UROC1: variants seen among roughly 807,000 people sequenced by gnomAD.
The protein encoded by UROC1 is urocanate hydratase.
In UROC1, 79 loss-of-function variants were observed where a neutral mutation model predicts 89.5. The ratio of observed to expected loss-of-function variants is 0.88; its 90% CI spans 0.74 to 1.06. UROC1 has a LOEUF of 1.06. Ranked by LOEUF, UROC1 falls within the 50% of genes least tolerant of loss-of-function variation. The probability of loss-of-function intolerance (pLI) is 0.00; values close to 1 mark genes in which losing one functional copy is unlikely to be tolerated. For synonymous variants in UROC1, 361 were observed against 354.8 expected, an observed-to-expected ratio of 1.02 and a Z score of -0.20; for missense variants, 885 against 907.8, an observed-to-expected ratio of 0.97 and a Z score of 0.32.
intron 11 of UROC1, among the ~76,000 whole-genome samples, 192 bp downstream of exon 11, chr3:126,500,503 C>G (rs1170700018): frequency 2.0e-5 from 3 of 152,212 alleles, no homozygotes; most frequent in African/African-American, 7.2e-5. Context: ...TGTCACTCAG[C>G]TTGTCCCCCT....
chr3:126,511,047 C>T (rs1417492696), intron 1 of UROC1, among the ~76,000 whole-genome samples: 1 of 152,062 alleles, frequency 6.6e-6, no homozygotes, highest in Non-Finnish European at 1.5e-5. Flanking sequence ...TTACGGTGAA[C>T]CATCTCCTGT....
chr3:126,501,667 G>A, intron 9 of UROC1: 1 of 1,165,688 alleles, frequency 8.6e-7, no homozygotes, highest in Non-Finnish European at 1.2e-6. Flanking sequence ...CGGAAAAATA[G>A]GACAGGAAAA....
At chr3:126,492,642 A>C in intron 15 of UROC1, 126 bp from the exon 16 acceptor site, 2 of 587,270 alleles carry the variant, frequency 3.4e-6, no homozygotes, top group Non-Finnish European at 6.1e-6. Flanking sequence ...AGCGCCTAAC[A>C]AGGTCCAGGA....
At position 126,500,686 on chromosome 3, in the gene UROC1, A is replaced by T. The variant is rs778080052; in HGVS notation, c.1145+9T>A. 1 of 1,614,066 alleles carries T rather than the reference A, an allele frequency of 6.2e-7. No individual in the cohort carries two copies. The highest frequency in any genetic ancestry group is 1.7e-5 in the Admixed American group (1 of 60,024). On this transcript the variant is annotated intron_variant, in intron 11 of 19. Transcript: ENST00000290868. ...AAATGCTTCTGCCACCCCCAACTCC[A>T]AGTAGCACCTTTCCTGGACCAGGTC...
At chr3:126,496,337 A>G (rs1031812640) in intron 14 of UROC1, among the ~76,000 whole-genome samples, 3 of 151,872 alleles carry the variant, frequency 2.0e-5, no homozygotes, top group Non-Finnish European at 4.4e-5. Context: ...TGCCTGATGC[A>G]CTCGGTCCCT....
At chr3:126,514,317 G>A (rs1323138457) in intron 1 of UROC1, among the ~76,000 whole-genome samples, 1 of 152,222 alleles carries the variant, frequency 6.6e-6, no homozygotes, top group Non-Finnish European at 1.5e-5. Flanking sequence ...TGGCACAGGC[G>A]CTGTGGGTGG....
At chr3:126,498,575 G>C (rs992042412) in intron 13 of UROC1, among the ~76,000 whole-genome samples, 3 of 151,874 alleles carry the variant, frequency 2.0e-5, no homozygotes, top group African/African-American at 7.3e-5. Flanking sequence ...TCCAGGACAG[G>C]GCTGTCCTGG....
intron 1 of UROC1, among the ~76,000 whole-genome samples, chr3:126,514,275 G>A (rs1936253357): frequency 6.6e-6 from 1 of 152,256 alleles, no homozygotes; most frequent in South Asian, 2.1e-4. Flanking sequence ...GGACACAGAC[G>A]CTGGCCATCT....
At chr3:126,486,740 GTGGGGCGTCCCCT>G (rs1341619181) in intron 18 of UROC1, among the ~76,000 whole-genome samples, 1 of 152,238 alleles carries the variant, frequency 6.6e-6, no homozygotes, top group Admixed American at 6.5e-5. Flanking sequence ...GTTGCGGGGG[GTGGGGCGTCCCCT>G]TGGAGTAGCC....
At position 126,508,246 on chromosome 3, in the gene UROC1, G is replaced by A. The variant is rs73859505; in HGVS notation, c.412-151C>T. On this transcript the variant is annotated intron_variant, in intron 4 of 19. Coordinates refer to ENST00000290868, the MANE Select transcript of UROC1 (RefSeq NM_144639.3). ...CTGGTGCCTCCCTCAACACCACCTC[G>A]CCCATTCCTATAACCTGAAATTTCC... The A allele has an allele frequency of 0.012, 18,138 of 1,474,596 alleles. 1,294 individuals carry two copies. In the African/African-American group the frequency reaches 0.19, roughly 15 times the overall value. The allele number at this position is 1,474,596 out of a possible 1,614,324, so 91.3% of individuals were successfully genotyped here.
At chr3:126,517,056 G>C (rs182109209) in intron 1 of UROC1, among the ~76,000 whole-genome samples, 93 of 152,190 alleles carry the variant, frequency 6.1e-4, no homozygotes, top group Non-Finnish European at 1.2e-3. Context: ...GAGGTTCCCA[G>C]ACAGGGCACC....
In UROC1 at chr3:126,498,035, C is replaced by T. The variant is rs1935822924; in HGVS notation, c.1438+16G>A. On this transcript the variant is annotated intron_variant, in intron 14 of 19. Transcript: ENST00000290868. ...GGGGGCCACCCACCCATGGGCATCC[C>T]CACCAATGGCGTCACCTCCATCAGC... The T allele has an allele frequency of 6.2e-7, 1 of 1,613,856 alleles. No individual in the cohort carries two copies. The highest frequency in any genetic ancestry group is 8.5e-7 in the Non-Finnish European group (1 of 1,180,022).
At chr3:126,494,977 G>C (rs1576716195) in intron 15 of UROC1, among the ~76,000 whole-genome samples, 1 of 152,202 alleles carries the variant, frequency 6.6e-6, no homozygotes, top group East Asian at 1.9e-4. Context: ...CCGCTTTGCA[G>C]ATGAGGGCGT....
chr3:126,482,920 A>T (rs1192753290), intron 19 of UROC1, among the ~76,000 whole-genome samples: 1 of 150,926 alleles, frequency 6.6e-6, no homozygotes, highest in Non-Finnish European at 1.5e-5. Context: ...CAGTCACCAC[A>T]CCTGCCCCCA....
At position 126,497,936 on chromosome 3, in the gene UROC1, G is replaced by A. The variant is rs559088512; in HGVS notation, c.1438+115C>T. The A allele has an allele frequency of 2.1e-4, 330 of 1,578,360 alleles. 1 individual carries two copies. The highest frequency in any genetic ancestry group is 9.4e-4 in the East Asian group (42 of 44,670). On this transcript the variant is annotated intron_variant, in intron 14 of 19. Transcript: ENST00000290868. ...CCACCAGACTCACAAAGTCATCTGC[G>A]CCCAGGTTCCCTCCCAGAATTAGCT...
At position 126,508,555 on chromosome 3, in the gene UROC1, C is replaced by A. The variant is rs563264289; in HGVS notation, c.352-80G>T. On this transcript the variant is annotated intron_variant, in intron 3 of 19. Transcript: ENST00000290868. ...TGCAGACAGGGAGAGAAAGGGCCCC[C>A]ATCCCCTGGGGGCCCAATGGGACAA... 490 of 1,244,454 alleles carry A rather than the reference C, an allele frequency of 3.9e-4. 1 individual carries two copies. Among genetic ancestry groups the A allele is most frequent in the Non-Finnish European group, 3.8e-4 (324 of 863,746 alleles). The allele number at this position is 1,244,454 out of a possible 1,614,324, so 77.1% of individuals were successfully genotyped here.
chr3:126,496,031 C>T lies in UROC1; in HGVS notation c.1509+7G>A, dbSNP rs1461029643. On this transcript the variant is annotated splice_region_variant and intron_variant, in intron 15 of 19. Coordinates refer to ENST00000290868, the MANE Select transcript of UROC1 (RefSeq NM_144639.3). ...CACCCCAGCCTCCCCCAGGCCTGGG[C>T]CCTCACCAGCCGGTGCCTGGCGGCC... 2 of 1,612,412 alleles carry T rather than the reference C, an allele frequency of 1.2e-6. No homozygotes were observed. Among genetic ancestry groups the T allele is most frequent in the Non-Finnish European group, 1.7e-6 (2 of 1,179,814 alleles).
intron 15 of UROC1, among the ~76,000 whole-genome samples, chr3:126,493,007 G>A (rs1935689738): frequency 6.6e-6 from 1 of 152,176 alleles, no homozygotes. Context: ...TTTTCCAGAT[G>A]AGGAAATGGC....
At position 126,504,090 on chromosome 3, in the gene UROC1, C is replaced by A; in HGVS notation, c.814-7G>T. ...CAAGGGCTGCTTTATCCACCTGGGG[C>A]CATGAGACATGGGGCCACGAGACAT... On this transcript the variant is annotated splice_region_variant and splice_polypyrimidine_tract_variant and intron_variant, in intron 8 of 19. Transcript: ENST00000290868. 1.2e-6 allele frequency: 2 copies of A among 1,614,050 alleles called. No homozygotes were observed. The highest frequency in any genetic ancestry group is 1.7e-6 in the Non-Finnish European group (2 of 1,180,008).
Sources: allele counts gnomAD v4.1 joint callset (sites outside exome capture counted in the v4.1 genomes callset), GRCh38; gene constraint gnomAD v4.1.1; transcripts MANE v1.5; gene names NCBI Gene and HGNC (gene_info 2026-07-23, HGNC 2026-07-21).